The following FGF13 variants were observed in gnomAD, a reference collection of about 807,000 sequenced individuals.
The protein encoded by FGF13 is fibroblast growth factor homologous factor 2.
In FGF13, 2 loss-of-function variants were observed where a neutral mutation model predicts 19.5. The observed-to-expected ratio is 0.10, with a 90% CI of 0.04 to 0.32. The LOEUF is 0.32. FGF13 is among the 10% of genes least tolerant of loss of function. The probability of loss-of-function intolerance (pLI) is 1.00; values close to 1 mark genes in which losing one functional copy is unlikely to be tolerated. For missense variants in FGF13, 113 were observed against 192.7 expected (o/e 0.59, Z 2.45); for synonymous variants, 72 against 76.9 (o/e 0.94, Z 0.33).
chrX:138,749,520 C>A (rs960394545), intron 3 of FGF13, among the ~76,000 whole-genome samples: 3 of 111,865 alleles, frequency 2.7e-5, no homozygotes, highest in Non-Finnish European at 5.6e-5. Flanking sequence ...CAAGTGTTTG[C>A]AGCTGAGTTT....
chrX:139,134,515 G>A (rs940926685), intron 1 of FGF13, among the ~76,000 whole-genome samples: 7 of 110,586 alleles, frequency 6.3e-5, no homozygotes, highest in African/African-American at 2.0e-4. Context: ...CTTACACCCC[G>A]TCCCTTGCAT....
intron 3 of FGF13, among the ~76,000 whole-genome samples, chrX:138,669,101 G>C (rs2089585702): frequency 1.8e-5 from 2 of 111,054 alleles, no homozygotes; most frequent in Non-Finnish European, 3.8e-5. Flanking sequence ...AGAAACTTAG[G>C]AGGGACTTTT....
At chrX:139,135,928 A>G (rs1250721778) in intron 1 of FGF13, among the ~76,000 whole-genome samples, 4 of 111,959 alleles carry the variant, frequency 3.6e-5, no homozygotes, top group Non-Finnish European at 7.5e-5. Context: ...AATAATGCTA[A>G]AAAAAAGAAA....
At chrX:138,900,454 A>G (rs748235044) in intron 1 of FGF13, among the ~76,000 whole-genome samples, 75 of 110,581 alleles carry the variant, frequency 6.8e-4, no homozygotes, top group African/African-American at 2.2e-3. Context: ...CACACCCTCA[A>G]TTCCAATCCA....
chrX:138,892,832 C>T (rs2091484496), intron 1 of FGF13, among the ~76,000 whole-genome samples: 1 of 109,524 alleles, frequency 9.1e-6, no homozygotes, highest in Admixed American at 9.8e-5. Flanking sequence ...GGGTGGTAGA[C>T]ATACTTAGCT....
chrX:138,841,077 C>T (rs1306219769), intron 3 of FGF13, among the ~76,000 whole-genome samples: 2 of 110,862 alleles, frequency 1.8e-5, no homozygotes, highest in South Asian at 3.9e-4. Context: ...TTTTGTACTT[C>T]GATCTCCCCA....
chrX:138,909,407 C>G (rs2091575722), intron 1 of FGF13, among the ~76,000 whole-genome samples: 1 of 111,763 alleles, frequency 8.9e-6, no homozygotes, highest in Non-Finnish European at 1.9e-5. Context: ...ATGGAAAGCT[C>G]CTGGATGTGA....
At chrX:138,742,445 C>A (rs1378783966), upstream of FGF13, among the ~76,000 whole-genome samples, 1 of 110,705 alleles carries the variant, frequency 9.0e-6, no homozygotes, top group Non-Finnish European at 1.9e-5. Flanking sequence ...CACCACATGG[C>A]GCTGTGTCAT....
intron 3 of FGF13, among the ~76,000 whole-genome samples, chrX:138,642,619 A>G (rs1346558354): frequency 8.9e-6 from 1 of 112,412 alleles, no homozygotes; most frequent in East Asian, 2.8e-4. Context: ...GAATCAATTT[A>G]CAAAAAAAAG....
chrX:138,940,491 A>G (rs984676303), intron 1 of FGF13, among the ~76,000 whole-genome samples: 2 of 111,605 alleles, frequency 1.8e-5, no homozygotes, highest in African/African-American at 6.5e-5. Flanking sequence ...GGTGTTCGTC[A>G]TGAAATCTTT....
chrX:138,705,236 T>A (rs1463088002), intron 2 of FGF13, among the ~76,000 whole-genome samples: 1 of 111,671 alleles, frequency 9.0e-6, no homozygotes, highest in East Asian at 2.8e-4. Flanking sequence ...CTTCAGTTTT[T>A]AAAATAATAT....
intron 3 of FGF13, among the ~76,000 whole-genome samples, chrX:138,819,233 T>G (rs2090982650): frequency 9.0e-6 from 1 of 111,131 alleles, no homozygotes; most frequent in Non-Finnish European, 1.9e-5. Flanking sequence ...AAAATATTAA[T>G]ACCTACCTCA....
In FGF13 at chrX:138,797,609, G is replaced by A. The variant is rs1197954561; in HGVS notation, c.217+59903C>T. On this transcript the variant is annotated intron_variant, in intron 3 of 6. Transcript: ENST00000436198. ...TCTACTTCTGTGAAGAAAGTCAATG[G>A]TAGCTTAATGGAATAGCACTGAATC... is the stretch of plus-strand genomic sequence containing the variant. Among the ~76,000 whole-genome samples the A allele has an allele frequency of 2.7e-5, 3 of 111,207 alleles. No homozygotes were observed. The Admixed American group carries it at 2.9e-4, about 11-fold the overall frequency.
intron 1 of FGF13, among the ~76,000 whole-genome samples, chrX:139,020,891 G>A (rs2092175273): frequency 9.0e-6 from 1 of 110,774 alleles, no homozygotes; most frequent in Admixed American, 9.7e-5. Context: ...AAGCTATAAC[G>A]AAAGTTAAAA....
At chrX:139,066,330 A>G (rs754289786) in intron 1 of FGF13, among the ~76,000 whole-genome samples, 83 of 111,742 alleles carry the variant, frequency 7.4e-4, no homozygotes, top group African/African-American at 2.7e-3. Context: ...ATCAGAGCAG[A>G]ACTGAAGGCG....
At chrX:138,861,981 C>A (rs147724595) in intron 2 of FGF13, among the ~76,000 whole-genome samples, 1 of 111,459 alleles carries the variant, frequency 9.0e-6, no homozygotes, top group South Asian at 3.8e-4. Flanking sequence ...CCAACCTGGG[C>A]GACAGAGTGA....
intron 3 of FGF13, among the ~76,000 whole-genome samples, chrX:138,851,364 A>G (rs1237921048): frequency 1.8e-5 from 2 of 111,801 alleles, no homozygotes; most frequent in African/African-American, 6.5e-5. Context: ...CAACAGTGGA[A>G]AAGCATTCCT....
chrX:139,085,119 C>A (rs1338204239), intron 1 of FGF13, among the ~76,000 whole-genome samples: 1 of 111,877 alleles, frequency 8.9e-6, no homozygotes, highest in Admixed American at 9.5e-5. Context: ...TCTACGAACA[C>A]CATGTTGCTT....
chrX:139,147,226 A>G (rs1229741664), intron 1 of FGF13, among the ~76,000 whole-genome samples: 3 of 109,899 alleles, frequency 2.7e-5, no homozygotes, highest in Non-Finnish European at 5.7e-5. Flanking sequence ...AAAAAAAAAA[A>G]AGGGATCCAA....
Sources: gnomAD v4.1 joint callset for allele counts (sites outside exome capture counted in the v4.1 genomes callset) on GRCh38, gnomAD v4.1.1 for gene constraint, MANE v1.5 for transcripts, NCBI Gene and HGNC (gene_info 2026-07-23, HGNC 2026-07-21) for gene names.